Variants in NECAB3 observed in about 807,000 individuals in gnomAD.
NECAB3 encodes the protein N-terminal EF-hand calcium binding protein 3.
NECAB3 carries 38 observed loss-of-function variants against 57.2 expected under a neutral mutation model. The observed-to-expected ratio is 0.66, with a 90% CI of 0.51 to 0.87. The LOEUF is 0.87. Among genes scored for constraint, NECAB3 ranks in the 40% least tolerant of loss-of-function variants. NECAB3 has a pLI of 0.00. For synonymous variants in NECAB3, 223 were observed against 222.6 expected (o/e 1.00, Z -0.02); for missense variants, 474 against 527.5 (o/e 0.90, Z 0.99).
chr20:33,660,506 G>T lies in NECAB3; in HGVS notation c.388-111C>A, dbSNP rs577588113. ...AGCGGTGGCAGTGCCAAGAGCAGGGGCACGCAAACCTGGCACAGGCAGGAG... is the reference window on the plus strand; with the variant it reads ...AGCGGTGGCAGTGCCAAGAGCAGGGTCACGCAAACCTGGCACAGGCAGGAG... On this transcript the variant is annotated intron_variant, in intron 5 of 11. Transcript: ENST00000246190. This position sits in a 1 kb window ranked among gnomAD's most constrained non-coding sequence, Gnocchi z 4.1. The T allele has an allele frequency of 7.0e-7, 1 of 1,427,226 alleles. No individual in the cohort carries two copies. 88.4% of individuals were successfully genotyped at this position (1,427,226 alleles called of 1,614,324 possible). A position where few individuals can be genotyped will look rare whatever the true frequency, so the allele number is the denominator to read the frequency against.
At chr20:33,674,175 C>G (rs989693764) in intron 1 of NECAB3, 49 bp downstream of exon 1, 10 of 1,245,836 alleles carry the variant, frequency 8.0e-6, no homozygotes, top group Non-Finnish European at 9.1e-6. Context: ...GTGAGACTAA[C>G]AGAGACTCGG....
intron 5 of NECAB3, among the ~76,000 whole-genome samples, chr20:33,666,178 G>T (rs2017644933): frequency 6.6e-6 from 1 of 152,202 alleles, no homozygotes; most frequent in African/African-American, 2.4e-5. Context: ...GCCTCTCGGG[G>T]GCTCTTCAGG....
At position 33,657,963 on chromosome 20, in the gene NECAB3, G is replaced by A. The variant is rs756094670; in HGVS notation, c.1141C>T (p.Leu381Phe). Residue 381 changes from leucine to phenylalanine, a missense_variant, in exon 11 of 12, where the codon CTC becomes TTC. Coordinates refer to ENST00000246190, the MANE Select transcript of NECAB3 (RefSeq NM_031232.4). Reference protein sequence around the residue: ...LIDHLRAPDTLTTVFFPASWW... With the variant: ...LIDHLRAPDTFTTVFFPASWW... ...ATACCTGGGAAGAACACAGTGGTGA[G>A]GGTGTCCGGGGCCCGCAGGTGGTCG... 1.5e-5 allele frequency: 23 copies of A among 1,557,652 alleles called. No homozygotes were observed. In the Admixed American group the frequency reaches 3.9e-4, roughly 26 times the overall value.
chr20:33,662,649 T>C (rs901043996), intron 5 of NECAB3: 4 of 708,544 alleles, frequency 5.6e-6, no homozygotes, highest in Non-Finnish European at 9.1e-6. Context: ...CATATGGGTG[T>C]GGATGGGGGT....
At chr20:33,671,795 GA>G (rs2017832636) in intron 2 of NECAB3, among the ~76,000 whole-genome samples, 1 of 152,176 alleles carries the variant, frequency 6.6e-6, no homozygotes, top group African/African-American at 2.4e-5. Flanking sequence ...TTTGGCACTG[GA>G]CCCAGCTTTA....
chr20:33,665,930 A>C (rs1325119170), intron 5 of NECAB3, among the ~76,000 whole-genome samples: 2 of 152,138 alleles, frequency 1.3e-5, no homozygotes, highest in Admixed American at 6.5e-5. Flanking sequence ...TAAAAATACA[A>C]AAATTAGCCG....
chr20:33,663,886 G>A (rs1601161645), intron 5 of NECAB3: 1 of 1,377,386 alleles, frequency 7.3e-7, no homozygotes, highest in Non-Finnish European at 9.3e-7. Flanking sequence ...CCCGGACCCC[G>A]CCCAATAAAG....
At chr20:33,659,162 CCTCCCTGTCTCCATCCTCTT>C (rs1204177552) in intron 8 of NECAB3, among the ~76,000 whole-genome samples, 1 of 152,202 alleles carries the variant, frequency 6.6e-6, no homozygotes, top group African/African-American at 2.4e-5. Flanking sequence ...TGCCCCCCAG[CCTCCCTGTCTCCATCCTCTT>C]CTCCCTGTCT....
At position 33,660,707 on chromosome 20, in the gene NECAB3, C is replaced by T. The variant is rs1207212528; in HGVS notation, c.388-312G>A. ...GCTACCACCTTCAGCACTGTCATAG[C>T]CAGTGAGTCCCAGCCACAGCTAGGC... On this transcript the variant is annotated intron_variant, in intron 5 of 11. Transcript: ENST00000246190. This position sits in a 1 kb window ranked among gnomAD's most constrained non-coding sequence, Gnocchi z 4.1. Among the ~76,000 whole-genome samples the T allele has an allele frequency of 6.6e-6, 1 of 152,186 alleles. No homozygotes were observed. Among genetic ancestry groups the T allele is most frequent in the African/African-American group, 2.4e-5 (1 of 41,444 alleles).
chr20:33,662,089 C>T, intron 5 of NECAB3: 1 of 375,696 alleles, frequency 2.7e-6, no homozygotes. Flanking sequence ...ATACCCAAAC[C>T]ACAGAAATCC....
At chr20:33,662,694 C>T (rs1283381248) in intron 5 of NECAB3, 5 of 524,158 alleles carry the variant, frequency 9.5e-6, no homozygotes, top group Non-Finnish European at 1.7e-5. Context: ...AATCCCAACA[C>T]GTTGGTAGGC....
In NECAB3 at chr20:33,674,282, G is replaced by A; in HGVS notation, c.71C>T (p.Pro24Leu). 8.1e-7 allele frequency: 1 copy of A among 1,228,030 alleles called. No individual in the cohort carries two copies. The highest frequency in any genetic ancestry group is 1.0e-6 in the Non-Finnish European group (1 of 984,816). The allele number at this position is 1,228,030 out of a possible 1,614,324, so 76.1% of individuals were successfully genotyped here. ...GTCGGGCGCGAGCTGGGGGTGCCGC[G>A]GGGTCTGGGGCTGGGGCTGGGGCGC... ...PPAPQPQPQTPRHPQLAPDPG... is the reference protein window; with the variant it reads ...PPAPQPQPQTLRHPQLAPDPG... The change falls in exon 1 of 12, where the codon CCG becomes CTG. Residue 24 changes from proline to leucine, a missense_variant. Transcript: ENST00000246190.
In NECAB3 at chr20:33,658,836, T is replaced by C. The variant is rs2017366257; in HGVS notation, c.880-2A>G. The C allele has an allele frequency of 1.2e-6, 2 of 1,612,276 alleles. No individual in the cohort carries two copies. The highest frequency in any genetic ancestry group is 1.7e-6 in the Non-Finnish European group (2 of 1,179,270). On this transcript the variant is annotated splice_acceptor_variant, in intron 8 of 11. Transcript: ENST00000246190. LOFTEE classifies it high-confidence loss of function. ...CTGCCTCTGGGCCATGAGGATGTGCTGGTGGGAGAGGCAGCCGGTCAGCTG... is the reference window on the plus strand; with the variant it reads ...CTGCCTCTGGGCCATGAGGATGTGCCGGTGGGAGAGGCAGCCGGTCAGCTG...
chr20:33,674,282 G>GGGGTCT lies in NECAB3; in HGVS notation c.65_70dup (p.Gln22_Thr23dup), dbSNP rs756354841. 1.3e-5 allele frequency: 16 copies of GGGGTCT among 1,228,030 alleles called. No individual in the cohort carries two copies. The South Asian group carries it at 2.5e-4, about 19-fold the overall frequency. The allele number at this position is 1,228,030 out of a possible 1,614,324, so 76.1% of individuals were successfully genotyped here. ...GTCGGGCGCGAGCTGGGGGTGCCGC[G>GGGGTCT]GGGTCTGGGGCTGGGGCTGGGGCGC... On this transcript the variant is annotated inframe_insertion, in exon 1 of 12. Transcript: ENST00000246190.
intron 1 of NECAB3, among the ~76,000 whole-genome samples, chr20:33,672,818 G>A (rs988408086): frequency 3.3e-5 from 5 of 152,174 alleles, no homozygotes; most frequent in Admixed American, 6.5e-5. Flanking sequence ...TTGCACAGCC[G>A]TCCTAGACCT....
At chr20:33,663,510 C>T in intron 5 of NECAB3, 5 of 1,601,374 alleles carry the variant, frequency 3.1e-6, no homozygotes, top group Non-Finnish European at 4.2e-6. Context: ...TCTCCCGCCT[C>T]ACGCCCCTGT....
At chr20:33,661,214 T>C (rs1185046218) in intron 5 of NECAB3, among the ~76,000 whole-genome samples, 1 of 152,316 alleles carries the variant, frequency 6.6e-6, no homozygotes, top group Middle Eastern at 3.4e-3. Flanking sequence ...CAGCCATCTA[T>C]CGTCAAGTGT....
intron 5 of NECAB3, chr20:33,667,440 G>C: frequency 7.1e-7 from 1 of 1,411,062 alleles, no homozygotes; most frequent in Non-Finnish European, 9.2e-7. Flanking sequence ...CGCCGCCCGC[G>C]GGCCGCGAAA....
rs371268955 is a variant in NECAB3 at position 33,672,386 on chromosome 20, A to G, written c.154+12T>C. ...CTGCCCCACTGTGGGACCCAGGGGA[A>G]GCCACACTCACCATTCTTGTCTGCT... On this transcript the variant is annotated intron_variant, in intron 2 of 11. Coordinates refer to ENST00000246190, the MANE Select transcript of NECAB3 (RefSeq NM_031232.4). 36 of 1,614,038 alleles carry G rather than the reference A, an allele frequency of 2.2e-5. No individual in the cohort carries two copies. In the African/African-American group the frequency reaches 4.7e-4, roughly 21 times the overall value.
Sources: gnomAD v4.1 joint callset for allele counts (sites outside exome capture counted in the v4.1 genomes callset) on GRCh38, gnomAD v4.1.1 for gene constraint, Gnocchi (gnomAD v3.1) non-coding constraint, MANE v1.5 for transcripts, NCBI Gene and HGNC (gene_info 2026-07-23, HGNC 2026-07-21) for gene names.